AKAP13: variants seen among roughly 807,000 people sequenced by gnomAD.
AKAP13 encodes the protein A-kinase anchoring protein 13.
A neutral mutation model predicts 264.5 loss-of-function variants in AKAP13; 80 were observed. The observed-to-expected ratio is 0.30, with a 90% CI of 0.25 to 0.36. The LOEUF is 0.36. Among genes scored for constraint, AKAP13 ranks in the 10% least tolerant of loss-of-function variants. AKAP13 has a pLI of 1.00. For synonymous variants in AKAP13, 1,380 were observed against 1,250.2 expected, an observed-to-expected ratio of 1.10 and a Z score of -2.19; for missense variants, 3,712 against 3,435.2, an observed-to-expected ratio of 1.08 and a Z score of -2.01.
intron 8 of AKAP13, among the ~76,000 whole-genome samples, chr15:85,596,404 G>A (rs2079827797): frequency 1.3e-5 from 2 of 151,932 alleles, no homozygotes; most frequent in South Asian, 2.1e-4. Context: ...CTAGGAGTTC[G>A]CAACCAGCCT....
rs756497369 is a variant in AKAP13 at position 85,743,871 on chromosome 15, A to C, written c.8392+46A>C. The C allele has an allele frequency of 2.6e-6, 4 of 1,551,060 alleles. No individual in the cohort carries two copies. In the African/African-American group the frequency reaches 5.5e-5, roughly 21 times the overall value. ...CTCCCTGTGGCCATAGTGTCTGTGC[A>C]TTCTGAGAGAGGGTAGATTTTAGTG... On this transcript the variant is annotated intron_variant, in intron 36 of 36. Transcript: ENST00000394518.
chr15:85,495,724 G>A (rs1024665265), intron 2 of AKAP13, among the ~76,000 whole-genome samples: 3 of 152,168 alleles, frequency 2.0e-5, no homozygotes, highest in Non-Finnish European at 4.4e-5. Context: ...TCAAGGGGAA[G>A]AGCCATTCCA....
intron 5 of AKAP13, among the ~76,000 whole-genome samples, chr15:85,559,454 A>G (rs1020695729): frequency 6.6e-6 from 1 of 152,134 alleles, no homozygotes; most frequent in African/African-American, 2.4e-5. Context: ...CAAGCGCATT[A>G]CATTTATCAT....
chr15:85,575,832 A>G (rs762556256), intron 6 of AKAP13, among the ~76,000 whole-genome samples: 11 of 152,202 alleles, frequency 7.2e-5, no homozygotes, highest in Non-Finnish European at 1.6e-4. Context: ...CTGGCTCTAC[A>G]GAAGTTAGCT....
intron 1 of AKAP13, among the ~76,000 whole-genome samples, chr15:85,481,415 G>A (rs1186926600): frequency 1.3e-5 from 2 of 152,178 alleles, no homozygotes; most frequent in African/African-American, 4.8e-5. Context: ...GAGACTTACT[G>A]TGTGTGGTCA....
At chr15:85,612,164 G>A (rs1379808211) in intron 8 of AKAP13, among the ~76,000 whole-genome samples, 1 of 152,152 alleles carries the variant, frequency 6.6e-6, no homozygotes, top group East Asian at 1.9e-4. Context: ...TTTCCTGGTT[G>A]TTGTTGAAAT....
chr15:85,591,312 T>G (rs571844567), intron 8 of AKAP13, among the ~76,000 whole-genome samples: 2 of 152,282 alleles, frequency 1.3e-5, no homozygotes, highest in African/African-American at 4.8e-5. Context: ...GGTTTTTGCG[T>G]TTTAAACAAG....
At chr15:85,630,244 C>CACACACACACACAT (rs2081685920) in intron 8 of AKAP13, among the ~76,000 whole-genome samples, 1 of 150,220 alleles carries the variant, frequency 6.7e-6, no homozygotes, top group South Asian at 2.1e-4. Context: ...AACACACACA[C>CACACACACACACAT]ACACACACAC....
At chr15:85,577,480 T>C (rs2079053071) in intron 6 of AKAP13, among the ~76,000 whole-genome samples, 1 of 152,260 alleles carries the variant, frequency 6.6e-6, no homozygotes, top group African/African-American at 2.4e-5. Flanking sequence ...TGCATGCACA[T>C]GGGATTTTTG....
chr15:85,665,513 C>T (rs1056022058), intron 13 of AKAP13, among the ~76,000 whole-genome samples: 1 of 152,136 alleles, frequency 6.6e-6, no homozygotes, highest in Non-Finnish European at 1.5e-5. Flanking sequence ...CCATCCCTAC[C>T]AGAATTCTTT....
At chr15:85,699,458 AT>A (rs1456761462) in intron 17 of AKAP13, among the ~76,000 whole-genome samples, 1 of 151,558 alleles carries the variant, frequency 6.6e-6, no homozygotes, top group South Asian at 2.1e-4. Context: ...AAAAAAAAAA[AT>A]TCTTTTTACA....
chr15:85,566,401 A>G (rs1048500137), intron 5 of AKAP13, among the ~76,000 whole-genome samples: 3 of 152,164 alleles, frequency 2.0e-5, no homozygotes, highest in Non-Finnish European at 4.4e-5. Flanking sequence ...GAAGGTGGCA[A>G]TAACTTCAGT....
intron 1 of AKAP13, chr15:85,415,112 T>C: frequency 1.6e-6 from 1 of 645,086 alleles, no homozygotes; most frequent in South Asian, 1.9e-5. Flanking sequence ...CTATAATTAG[T>C]AACAGCATCC....
chr15:85,522,404 C>G (rs1326234500), intron 3 of AKAP13, among the ~76,000 whole-genome samples: 1 of 152,106 alleles, frequency 6.6e-6, no homozygotes, highest in East Asian at 1.9e-4. Flanking sequence ...AAAGCATGGC[C>G]TGTGTCCTAA....
chr15:85,497,240 C>T (rs1441205229), intron 2 of AKAP13, among the ~76,000 whole-genome samples: 1 of 152,168 alleles, frequency 6.6e-6, no homozygotes, highest in Non-Finnish European at 1.5e-5. Flanking sequence ...GTGAATGGGA[C>T]ATTTGATCTT....
chr15:85,704,737 C>T (rs2086132831), intron 17 of AKAP13, among the ~76,000 whole-genome samples: 1 of 152,216 alleles, frequency 6.6e-6, no homozygotes, highest in Non-Finnish European at 1.5e-5. Context: ...ATTTTCTGAT[C>T]TTCATAACAA....
Position 85,708,772 on chromosome 15 carries a change from C to T in AKAP13, c.5532+686C>T, listed in dbSNP as rs1325054059. Among the ~76,000 whole-genome samples, 2 of 152,118 alleles carry T rather than the reference C, an allele frequency of 1.3e-5. No homozygotes were observed. The highest frequency in any genetic ancestry group is 6.5e-5 in the Admixed American group (1 of 15,270). Reference sequence around the variant, plus strand: ...TTGTCAAAGGAGTGCTTTCCAACTTCGTCGACACAGATGATTAATGAGCTG... The same window carrying T: ...TTGTCAAAGGAGTGCTTTCCAACTTTGTCGACACAGATGATTAATGAGCTG... On this transcript the variant is annotated intron_variant, in intron 18 of 36. Coordinates refer to ENST00000394518, the MANE Select transcript of AKAP13 (RefSeq NM_007200.5). The surrounding 1 kb of genome is among the most constrained non-coding windows in gnomAD (Gnocchi z 4.3).
chr15:85,723,897 A>G (rs1485431432), intron 26 of AKAP13, among the ~76,000 whole-genome samples: 2 of 152,178 alleles, frequency 1.3e-5, no homozygotes, highest in Non-Finnish European at 2.9e-5. Context: ...CCCATTTTCC[A>G]TTTGGTTTTA....
intron 6 of AKAP13, among the ~76,000 whole-genome samples, chr15:85,576,766 C>T (rs546546117): frequency 1.3e-5 from 2 of 152,192 alleles, no homozygotes; most frequent in Non-Finnish European, 2.9e-5. Context: ...TCATTTTCCT[C>T]TGAATGGACT....
Sources: gnomAD v4.1 joint callset for allele counts (sites outside exome capture counted in the v4.1 genomes callset) on GRCh38, gnomAD v4.1.1 for gene constraint, Gnocchi (gnomAD v3.1) non-coding constraint, MANE v1.5 for transcripts, NCBI Gene and HGNC (gene_info 2026-07-23, HGNC 2026-07-21) for gene names.